Variants in SEPTIN9 observed in about 807,000 individuals in gnomAD.
The protein encoded by SEPTIN9 is septin 9, also known as septin-9.
SEPTIN9 carries 13 observed loss-of-function variants against 56.6 expected under a neutral mutation model. That is an observed-to-expected ratio of 0.23 (90% CI 0.15 to 0.37). The LOEUF (loss-of-function observed/expected upper bound fraction) is 0.37, where lower values mean the gene tolerates loss of function less well. Among genes scored for constraint, SEPTIN9 ranks in the 10% least tolerant of loss-of-function variants. The pLI, the probability that SEPTIN9 is intolerant of heterozygous loss-of-function variation, is 1.00. For synonymous variants in SEPTIN9, 332 were observed against 334.1 expected, an observed-to-expected ratio of 0.99 and a Z score of 0.07; for missense variants, 650 against 823.1, an observed-to-expected ratio of 0.79 and a Z score of 2.57.
In SEPTIN9 at chr17:77,476,893, C is replaced by T. The variant is rs2039234581; in HGVS notation, c.722-5251C>T. On this transcript the variant is annotated intron_variant, in intron 3 of 11. Coordinates refer to ENST00000427177, the MANE Select transcript of SEPTIN9 (RefSeq NM_001113491.2). The surrounding 1 kb of genome is among the most constrained non-coding windows in gnomAD (Gnocchi z 6.0). ...TGTCCTCTGAGCTGTAAAGCTGGCTCCTGGGCACTTGTGGAAAACACTGGA... is the reference window on the plus strand; with the variant it reads ...TGTCCTCTGAGCTGTAAAGCTGGCTTCTGGGCACTTGTGGAAAACACTGGA... 6.6e-6 allele frequency among the ~76,000 whole-genome samples: 1 copy of T among 152,182 alleles called. No homozygotes were observed.
At position 77,500,467 on chromosome 17, in the gene SEPTIN9, G is replaced by A. The variant is rs754106733; in HGVS notation, c.*1809G>A. On this transcript the variant is annotated 3_prime_UTR_variant, in exon 12 of 12. Coordinates refer to ENST00000427177, the MANE Select transcript of SEPTIN9 (RefSeq NM_001113491.2). Reference sequence around the variant, plus strand: ...GTAACCAGACTTTGAAAAATTGTTCGTTTCATCAGGCTCTGTTCCTCAATG... The same window carrying A: ...GTAACCAGACTTTGAAAAATTGTTCATTTCATCAGGCTCTGTTCCTCAATG... 16 of 221,352 alleles carry A rather than the reference G, an allele frequency of 7.2e-5. No homozygotes were observed. Among genetic ancestry groups the A allele is most frequent in the Admixed American group, 5.2e-4 (9 of 17,328 alleles). The allele number at this position is 221,352 out of a possible 1,614,324, so 13.7% of individuals were successfully genotyped here.
intron 2 of SEPTIN9, among the ~76,000 whole-genome samples, chr17:77,354,094 G>A (rs1039709187): frequency 2.0e-5 from 3 of 152,054 alleles, no homozygotes; most frequent in Non-Finnish European, 4.4e-5. Context: ...TGATGCTCAC[G>A]GTGTACCAAG....
chr17:77,491,585 G>A (rs1256693075), intron 8 of SEPTIN9, among the ~76,000 whole-genome samples: 1 of 151,494 alleles, frequency 6.6e-6, no homozygotes, highest in Non-Finnish European at 1.5e-5. Flanking sequence ...GGCCGAGGCG[G>A]GCAGATCACT....
chr17:77,356,665 T>TCCCTCC (rs2034254576), intron 2 of SEPTIN9, among the ~76,000 whole-genome samples: 2 of 52,394 alleles, frequency 3.8e-5, no homozygotes, highest in Non-Finnish European at 7.5e-5. Context: ...CTTCCTGCTT[T>TCCCTCC]CCCTCCCCCT....
At chr17:77,390,720 G>C (rs1344631181) in intron 2 of SEPTIN9, among the ~76,000 whole-genome samples, 1 of 152,140 alleles carries the variant, frequency 6.6e-6, no homozygotes, top group African/African-American at 2.4e-5. Flanking sequence ...CAAAGTGCTG[G>C]GATTACAGGC....
At chr17:77,455,387 A>G (rs2038154674) in intron 3 of SEPTIN9, among the ~76,000 whole-genome samples, 1 of 152,180 alleles carries the variant, frequency 6.6e-6, no homozygotes, top group Non-Finnish European at 1.5e-5. Context: ...TGCCCCCGGC[A>G]GGGCCTGCTG....
At chr17:77,463,339 GC>G (rs755790845) in intron 3 of SEPTIN9, among the ~76,000 whole-genome samples, 3 of 152,084 alleles carry the variant, frequency 2.0e-5, no homozygotes, top group Non-Finnish European at 4.4e-5. Flanking sequence ...CTTTACCCAG[GC>G]TCCTGATTGC....
chr17:77,356,274 C>T (rs559628069), intron 2 of SEPTIN9, among the ~76,000 whole-genome samples: 4 of 152,290 alleles, frequency 2.6e-5, no homozygotes, highest in Admixed American at 2.6e-4. Context: ...GTGCACCTGG[C>T]ATGGCCTCCA....
intron 2 of SEPTIN9, among the ~76,000 whole-genome samples, chr17:77,362,602 G>A (rs2034450784): frequency 6.6e-6 from 1 of 152,238 alleles, no homozygotes; most frequent in South Asian, 2.1e-4. Context: ...TCCTCAAGAG[G>A]AAGGCCAGGG....
At chr17:77,288,360 C>A in intron 1 of SEPTIN9, 1 of 346,862 alleles carries the variant, frequency 2.9e-6, no homozygotes, top group Non-Finnish European at 4.2e-6. Flanking sequence ...TCCCTGAATG[C>A]CATGCCTGGG....
intron 10 of SEPTIN9, 131 bp downstream of exon 10, chr17:77,493,207 A>T: frequency 1.4e-6 from 1 of 715,456 alleles, no homozygotes; most frequent in Non-Finnish European, 2.4e-6. Context: ...ACCCAGAGGG[A>T]GGGGTCTCCT....
At chr17:77,309,267 C>T (rs1396976044) in intron 2 of SEPTIN9, among the ~76,000 whole-genome samples, 1 of 152,272 alleles carries the variant, frequency 6.6e-6, no homozygotes, top group Admixed American at 6.5e-5. Flanking sequence ...CAGCCACGAT[C>T]ACAGCTCAGC....
chr17:77,493,098 G>T (rs1478561239), intron 10 of SEPTIN9, 22 bp downstream of exon 10: 2 of 1,518,148 alleles, frequency 1.3e-6, no homozygotes, highest in Admixed American at 2.0e-5. Flanking sequence ...AGGCGCCGGG[G>T]CTCCAGACAG....
intron 1 of SEPTIN9, among the ~76,000 whole-genome samples, chr17:77,301,542 A>G (rs1367072409): frequency 6.6e-6 from 1 of 151,970 alleles, no homozygotes; most frequent in Non-Finnish European, 1.5e-5. Context: ...CTTCTGCCTC[A>G]GCTTCCTGAG....
In SEPTIN9 at chr17:77,493,086, G is replaced by A. The variant is rs143783047; in HGVS notation, c.1573+10G>A. The A allele has an allele frequency of 2.4e-4, 369 of 1,545,038 alleles. 2 individuals carry two copies. In the African/African-American group the frequency reaches 4.1e-3, roughly 17 times the overall value. ...TGGGGTACCATCGAAGGTACTCGCCGCAGGCGCCGGGGCTCCAGACAGATG... is the reference window on the plus strand; with the variant it reads ...TGGGGTACCATCGAAGGTACTCGCCACAGGCGCCGGGGCTCCAGACAGATG... On this transcript the variant is annotated intron_variant, in intron 10 of 11. Transcript: ENST00000427177.
intron 2 of SEPTIN9, among the ~76,000 whole-genome samples, chr17:77,351,313 C>T (rs1215131708): frequency 6.6e-6 from 1 of 151,952 alleles, no homozygotes; most frequent in African/African-American, 2.4e-5. Flanking sequence ...CTAGGCCTGG[C>T]AGGAAACCGG....
chr17:77,448,478 G>A (rs1428212461), intron 3 of SEPTIN9, among the ~76,000 whole-genome samples: 2 of 149,520 alleles, frequency 1.3e-5, no homozygotes, highest in Non-Finnish European at 3.0e-5. Context: ...TCTGTTCCCC[G>A]GCAACCAAAA....
Position 77,445,160 on chromosome 17 carries a change from T to G in SEPTIN9, c.722-36984T>G, listed in dbSNP as rs1165474318. The G allele has an allele frequency of 2.1e-6, 1 of 470,742 alleles. No individual in the cohort carries two copies. Among genetic ancestry groups the G allele is most frequent in the Non-Finnish European group, 4.4e-6 (1 of 226,828 alleles). 29.2% of individuals were successfully genotyped at this position (470,742 alleles called of 1,614,324 possible). A position where few individuals can be genotyped will look rare whatever the true frequency, so the allele number is the denominator to read the frequency against. ...CTGCCAACCCAAGGGTGGCAGGAGC[T>G]GTGGGTGCTCCCAGCCCCTTCTCAA... On this transcript the variant is annotated intron_variant, in intron 3 of 11. Transcript: ENST00000427177. This position sits in a 1 kb window ranked among gnomAD's most constrained non-coding sequence, Gnocchi z 4.7.
intron 2 of SEPTIN9, among the ~76,000 whole-genome samples, chr17:77,401,287 T>C (rs900983876): frequency 1.3e-5 from 2 of 152,176 alleles, no homozygotes; most frequent in South Asian, 2.1e-4. Context: ...CTTAGTGTCA[T>C]TGATGGGGTT....
Sources: allele counts gnomAD v4.1 joint callset (sites outside exome capture counted in the v4.1 genomes callset), GRCh38; gene constraint gnomAD v4.1.1; non-coding constraint Gnocchi (gnomAD v3.1); transcripts MANE v1.5; gene names NCBI Gene and HGNC (gene_info 2026-07-23, HGNC 2026-07-21).